TANC1: variants seen among roughly 807,000 people sequenced by gnomAD.
The protein encoded by TANC1 is protein TANC1.
Under a neutral mutation model 149.7 loss-of-function variants are expected in TANC1, and 77 were observed. The observed-to-expected ratio is 0.51, with a 90% CI of 0.43 to 0.62. TANC1 has a LOEUF of 0.62. Ranked by LOEUF, TANC1 falls within the 20% of genes least tolerant of loss-of-function variation. The pLI is 0.00. For missense variants in TANC1, 1,985 were observed against 2,321.8 expected, an observed-to-expected ratio of 0.85 and a Z score of 2.98; for synonymous variants, 854 against 925.0, an observed-to-expected ratio of 0.92 and a Z score of 1.39.
chr2:158,985,947 G>A (rs2034955549), intron 1 of TANC1, among the ~76,000 whole-genome samples: 1 of 152,142 alleles, frequency 6.6e-6, no homozygotes, highest in Admixed American at 6.5e-5. Flanking sequence ...AGCTGACTGG[G>A]CCCCCTTTGA....
chr2:159,162,158 T>C (rs902995951), intron 7 of TANC1, among the ~76,000 whole-genome samples: 3 of 152,216 alleles, frequency 2.0e-5, no homozygotes, highest in African/African-American at 7.2e-5. Flanking sequence ...AGCTAAACCC[T>C]TCAGACCCTT....
intron 2 of TANC1, among the ~76,000 whole-genome samples, chr2:159,030,393 G>A (rs998179361): frequency 3.7e-4 from 57 of 152,252 alleles, no homozygotes; most frequent in African/African-American, 1.2e-3. Context: ...TAGGGTTTTT[G>A]TCTGGATCTT....
chr2:159,015,360 TG>T (rs879377078), intron 2 of TANC1, among the ~76,000 whole-genome samples: 1 of 152,196 alleles, frequency 6.6e-6, no homozygotes, highest in Non-Finnish European at 1.5e-5. Context: ...CTCCCTAGGC[TG>T]CCCACAGCAT....
chr2:159,174,905 G>A (rs777580756), intron 11 of TANC1, 48 bp from the exon 12 acceptor site: 7 of 1,417,938 alleles, frequency 4.9e-6, no homozygotes, highest in Admixed American at 1.7e-5. Flanking sequence ...TGCAGAAGGA[G>A]CTGTGTGAAG....
chr2:158,968,649 G>C lies in TANC1; in HGVS notation c.-259G>C, dbSNP rs1486908363. 6.6e-6 allele frequency: 1 copy of C among 152,320 alleles called. No individual in the cohort carries two copies. Among genetic ancestry groups the C allele is most frequent in the Non-Finnish European group, 1.5e-5 (1 of 68,154 alleles). The allele number at this position is 152,320 out of a possible 1,614,324, so 9.4% of individuals were successfully genotyped here. ...GACGGGCCGGAGCGGAGGCTTTGCT[G>C]TGGCAGCTGCTGGAGCGGCGGCCGC... is the stretch of plus-strand genomic sequence containing the variant. On this transcript the variant is annotated 5_prime_UTR_variant, in exon 1 of 27. Coordinates refer to ENST00000263635, the MANE Select transcript of TANC1 (RefSeq NM_033394.3).
At chr2:159,179,288 CTTTG>C in intron 14 of TANC1, 125 bp downstream of exon 14, 1 of 1,301,642 alleles carries the variant, frequency 7.7e-7, no homozygotes, top group East Asian at 2.3e-5. Context: ...AGTGTTACTG[CTTTG>C]TTTTATTATT....
intron 4 of TANC1, among the ~76,000 whole-genome samples, chr2:159,135,090 C>T (rs1039496524): frequency 6.6e-6 from 1 of 152,156 alleles, no homozygotes; most frequent in Non-Finnish European, 1.5e-5. Context: ...TATCCCTTAC[C>T]ATTACCCCAC....
chr2:158,999,382 C>A (rs1302661914), intron 1 of TANC1, among the ~76,000 whole-genome samples: 1 of 152,194 alleles, frequency 6.6e-6, no homozygotes, highest in African/African-American at 2.4e-5. Flanking sequence ...ATTTCCTTTT[C>A]TTCCCTTGCT....
intron 5 of TANC1, among the ~76,000 whole-genome samples, chr2:159,145,041 C>CTT (rs71406156): frequency 0.24 from 36,810 of 152,066 alleles, 5,415 homozygotes; most frequent in Non-Finnish European, 0.35. Context: ...GGAGGAAAGA[C>CTT]TTCTCTATGG....
Position 159,054,933 on chromosome 2 carries a change from G to C in TANC1, c.-15-10963G>C, listed in dbSNP as rs80280028. ...GAAATTATCCAGTCCAGCAGGAAAG[G>C]GAACAGTATTCTTGGTGAAATAACA... On this transcript the variant is annotated intron_variant, in intron 2 of 26. Coordinates refer to ENST00000263635, the MANE Select transcript of TANC1 (RefSeq NM_033394.3). Among the ~76,000 whole-genome samples, 1,008 of 152,242 alleles carry C rather than the reference G, an allele frequency of 6.6e-3. 5 individuals are homozygous for C. Among genetic ancestry groups the C allele is most frequent in the African/African-American group, 0.015 (631 of 41,538 alleles).
intron 3 of TANC1, among the ~76,000 whole-genome samples, chr2:159,073,324 C>T (rs2043326669): frequency 6.6e-6 from 1 of 152,058 alleles, no homozygotes; most frequent in Admixed American, 6.6e-5. Context: ...CATGTAAGGC[C>T]CAAGCTGGTT....
intron 8 of TANC1, among the ~76,000 whole-genome samples, chr2:159,165,006 AC>A: frequency 6.6e-6 from 1 of 152,312 alleles, no homozygotes; most frequent in Non-Finnish European, 1.5e-5. Flanking sequence ...GGCGCTTTAG[AC>A]CGTATTTACC....
Position 159,230,616 on chromosome 2 carries a change from T to A in TANC1, c.5190T>A (p.Thr1730=). Residue 1730 remains threonine, a synonymous_variant, in exon 27 of 27, where the codon ACT becomes ACA. Coordinates refer to ENST00000263635, the MANE Select transcript of TANC1 (RefSeq NM_033394.3). The surrounding 1 kb of genome is among the most constrained non-coding windows in gnomAD (Gnocchi z 4.4). The part of the protein sequence containing the change: ...NTPFMGIMDK[T]ARFQQQSNPP... Reference sequence around the variant, plus strand: ...CGTTCATGGGCATCATGGATAAGACTGCGAGGTTCCAACAGCAGAGCAATC... The same window carrying A: ...CGTTCATGGGCATCATGGATAAGACAGCGAGGTTCCAACAGCAGAGCAATC... 6.2e-7 allele frequency: 1 copy of A among 1,614,152 alleles called. No individual in the cohort carries two copies. Among genetic ancestry groups the A allele is most frequent in the Non-Finnish European group, 8.5e-7 (1 of 1,180,042 alleles).
chr2:159,071,979 GTTTTGTT>G (rs972941170), intron 3 of TANC1, among the ~76,000 whole-genome samples: 4 of 152,044 alleles, frequency 2.6e-5, no homozygotes, highest in African/African-American at 7.2e-5. Context: ...GTGTTTTTTT[GTTTTGTT>G]TTTTGTTTTT....
chr2:159,011,443 AG>A (rs1481543128), intron 2 of TANC1, among the ~76,000 whole-genome samples: 1 of 152,032 alleles, frequency 6.6e-6, no homozygotes, highest in African/African-American at 2.4e-5. Flanking sequence ...AATAAATGGT[AG>A]GTCAGTTTTC....
chr2:159,136,954 T>C (rs1398774022), intron 5 of TANC1, among the ~76,000 whole-genome samples: 1 of 152,234 alleles, frequency 6.6e-6, no homozygotes, highest in African/African-American at 2.4e-5. Flanking sequence ...ATTTTCCTGT[T>C]TGTTCCTTTC....
intron 2 of TANC1, among the ~76,000 whole-genome samples, chr2:159,055,313 T>C (rs1384298997): frequency 6.6e-6 from 1 of 152,240 alleles, no homozygotes; most frequent in East Asian, 1.9e-4. Context: ...GCTTTTTAGC[T>C]GCATGGCTAC....
intron 1 of TANC1, among the ~76,000 whole-genome samples, chr2:158,969,014 T>C (rs2032396532): frequency 6.6e-6 from 1 of 152,188 alleles, no homozygotes; most frequent in Admixed American, 6.5e-5. Context: ...CTCGGCGGCT[T>C]TGGGGAGTCC....
At chr2:159,015,392 A>T (rs1277526348) in intron 2 of TANC1, among the ~76,000 whole-genome samples, 3 of 152,152 alleles carry the variant, frequency 2.0e-5, no homozygotes, top group African/African-American at 7.2e-5. Context: ...GGCTCAACCT[A>T]CAAAACCACT....
Sources: gnomAD v4.1 joint callset for allele counts (sites outside exome capture counted in the v4.1 genomes callset) on GRCh38, gnomAD v4.1.1 for gene constraint, Gnocchi (gnomAD v3.1) non-coding constraint, MANE v1.5 for transcripts, NCBI Gene and HGNC (gene_info 2026-07-23, HGNC 2026-07-21) for gene names.